The following CACNG6 variants were observed in gnomAD, a reference collection of about 807,000 sequenced individuals.
The protein encoded by CACNG6 is calcium voltage-gated channel auxiliary subunit gamma 6.
CACNG6 carries 21 observed loss-of-function variants against 23.9 expected under a neutral mutation model. The observed-to-expected ratio is 0.88, with a 90% confidence interval of 0.62 to 1.26. The LOEUF (loss-of-function observed/expected upper bound fraction) is 1.26, where lower values mean the gene tolerates loss of function less well. CACNG6 is among the 50% of genes most tolerant of loss of function. CACNG6 has a pLI of 0.00. For synonymous variants in CACNG6, 182 were observed against 168.9 expected, an observed-to-expected ratio of 1.08 and a Z score of -0.60; for missense variants, 340 against 352.9, an observed-to-expected ratio of 0.96 and a Z score of 0.29.
At chr19:54,005,219 A>G (rs1207290025) in intron 3 of CACNG6, among the ~76,000 whole-genome samples, 1 of 90,418 alleles carries the variant, frequency 1.1e-5, no homozygotes, top group Admixed American at 1.1e-4. Flanking sequence ...AAAAATAAAT[A>G]AATAAATAAA....
chr19:54,007,463 A>G (rs192808), intron 3 of CACNG6, among the ~76,000 whole-genome samples: 113,699 of 152,204 alleles, frequency 0.75, 43,098 homozygotes, highest in East Asian at 0.95. Flanking sequence ...TCAACAGTGC[A>G]TTTAACTGAT....
chr19:54,004,900 A>AAAAC (rs139065684), intron 3 of CACNG6, among the ~76,000 whole-genome samples: 1 of 151,480 alleles, frequency 6.6e-6, no homozygotes, highest in Non-Finnish European at 1.5e-5. Context: ...GAAAATGTTA[A>AAAAC]AAATAAATAA....
At position 53,998,238 on chromosome 19, in the gene CACNG6, G is replaced by A; in HGVS notation, c.332-1G>A. Reference sequence around the variant, plus strand: ...CTGTTTTCTCTCTCCTGCTCCCACAGAAGCAAACTGCACCTATTTTAAATT... The same window carrying A: ...CTGTTTTCTCTCTCCTGCTCCCACAAAAGCAAACTGCACCTATTTTAAATT... On this transcript the variant is annotated splice_acceptor_variant, in intron 1 of 3. Coordinates refer to ENST00000252729, the MANE Select transcript of CACNG6 (RefSeq NM_145814.2). LOFTEE classifies it high-confidence loss of function. The A allele has an allele frequency of 6.2e-7, 1 of 1,613,782 alleles. No individual in the cohort carries two copies. Among genetic ancestry groups the A allele is most frequent in the Non-Finnish European group, 8.5e-7 (1 of 1,179,724 alleles).
chr19:53,994,263 G>A (rs865810212), intron 1 of CACNG6, among the ~76,000 whole-genome samples: 1 of 152,092 alleles, frequency 6.6e-6, no homozygotes, highest in Non-Finnish European at 1.5e-5. Context: ...CCCAACACCC[G>A]AGGGCAGACC....
intron 3 of CACNG6, among the ~76,000 whole-genome samples, chr19:54,002,572 G>C (rs1289681640): frequency 6.6e-6 from 1 of 151,508 alleles, no homozygotes; most frequent in African/African-American, 2.4e-5. Context: ...AGCCGCTGAG[G>C]ACGCAACGAT....
intron 3 of CACNG6, among the ~76,000 whole-genome samples, chr19:54,005,983 G>A (rs868220212): frequency 5.3e-5 from 8 of 150,170 alleles, no homozygotes; most frequent in African/African-American, 1.2e-4. Flanking sequence ...CCAGCAACTC[G>A]GGAGGCTGAG....
At position 54,012,025 on chromosome 19, in the gene CACNG6, C is replaced by A. The variant is rs761605328; in HGVS notation, c.619C>A (p.Pro207Thr). 3.7e-6 allele frequency: 6 copies of A among 1,605,736 alleles called. No homozygotes were observed. In the East Asian group the frequency reaches 1.4e-4, roughly 37 times the overall value. Reference protein sequence around the residue: ...RALLQRVSPEPPPAPRLTYEY... With the variant: ...RALLQRVSPETPPAPRLTYEY... ...CCTGCTGCAGAGAGTCAGCCCGGAG[C>A]CTCCCCCGGCCCCACGCCTCACCTA... The change falls in exon 4 of 4, where the codon CCT becomes ACT. Residue 207 changes from proline to threonine, a missense_variant. Coordinates refer to ENST00000252729, the MANE Select transcript of CACNG6 (RefSeq NM_145814.2).
chr19:54,011,190 T>TAAAAAAAAAAAAAAAA (rs142489178), intron 3 of CACNG6, among the ~76,000 whole-genome samples: 3 of 59,212 alleles, frequency 5.1e-5, no homozygotes, highest in African/African-American at 9.6e-5. Flanking sequence ...CCGTCTCTAC[T>TAAAAAAAAAAAAAAAA]AAAAAAAAAA....
At chr19:53,991,336 C>G (rs1035252740), upstream of CACNG6, among the ~76,000 whole-genome samples, 8 of 152,040 alleles carry the variant, frequency 5.3e-5, no homozygotes, top group African/African-American at 1.9e-4. Context: ...CCTGGTAACC[C>G]CAGTCAGACT....
chr19:53,995,216 G>A (rs2069508664), intron 1 of CACNG6, among the ~76,000 whole-genome samples: 2 of 151,972 alleles, frequency 1.3e-5, no homozygotes, highest in Admixed American at 6.6e-5. Flanking sequence ...ATGGAGGGGT[G>A]GCCCATCCCA....
intron 3 of CACNG6, among the ~76,000 whole-genome samples, chr19:54,005,235 AAATAAATAAATAAAT>A (rs1480565739): frequency 2.5e-5 from 3 of 120,832 alleles, no homozygotes; most frequent in Admixed American, 1.7e-4. Context: ...ATAAATAAAT[AAATAAATAAATAAAT>A]AATAATAAAA....
At chr19:53,998,158 TG>T in intron 1 of CACNG6, 80 bp from the exon 2 acceptor site, 1 of 1,225,668 alleles carries the variant, frequency 8.2e-7, no homozygotes, top group Non-Finnish European at 1.2e-6. Flanking sequence ...TAGGCTCCCG[TG>T]GGCTGTTAAC....
chr19:54,002,275 G>GTTTTTTTTTTTTTTTTTTTTTTTTTTTTT (rs1174799698), intron 3 of CACNG6, among the ~76,000 whole-genome samples: 2 of 116,430 alleles, frequency 1.7e-5, no homozygotes, highest in African/African-American at 4.6e-5. Context: ...CGGTTTTTTT[G>GTTTTTTTTTTTTTTTTTTTTTTTTTTTTT]TTTTTTTTGT....
chr19:53,992,814 C>A lies in CACNG6; in HGVS notation c.-64C>A. On this transcript the variant is annotated 5_prime_UTR_variant, in exon 1 of 4. Coordinates refer to ENST00000252729, the MANE Select transcript of CACNG6 (RefSeq NM_145814.2). This position sits in a 1 kb window ranked among gnomAD's most constrained non-coding sequence, Gnocchi z 4.1. ...TCAAGACCCCAGGCCGCTCCTCGCT[C>A]CCGCCCCTCGAGGCCCTTCGCCGGC... The A allele has an allele frequency of 8.3e-7, 1 of 1,201,582 alleles. No individual in the cohort carries two copies. Among genetic ancestry groups the A allele is most frequent in the South Asian group, 2.6e-5 (1 of 38,062 alleles). The allele number at this position is 1,201,582 out of a possible 1,614,324, so 74.4% of individuals were successfully genotyped here.
intron 3 of CACNG6, among the ~76,000 whole-genome samples, chr19:54,011,503 G>A (rs1236464388): frequency 6.6e-6 from 1 of 150,546 alleles, no homozygotes; most frequent in African/African-American, 2.4e-5. Context: ...ACCCTACAGT[G>A]CTGCGAACAC....
intron 3 of CACNG6, among the ~76,000 whole-genome samples, chr19:54,009,633 G>A (rs2069682835): frequency 1.3e-5 from 2 of 151,938 alleles, no homozygotes; most frequent in East Asian, 1.9e-4. Flanking sequence ...CGCCCTGTGT[G>A]TTTACACTTT....
chr19:54,006,841 TTTTTA>T (rs60993008), intron 3 of CACNG6, among the ~76,000 whole-genome samples: 108,398 of 150,396 alleles, frequency 0.72, 39,408 homozygotes, highest in East Asian at 0.9. Context: ...GGCCTTCTTT[TTTTTA>T]TTTTGTTATT....
At chr19:53,996,227 A>ATGT in intron 1 of CACNG6, among the ~76,000 whole-genome samples, 1 of 152,154 alleles carries the variant, frequency 6.6e-6, no homozygotes, top group East Asian at 1.9e-4. Flanking sequence ...TCTGTGCCTC[A>ATGT]GTTTCCCCAT....
intron 3 of CACNG6, among the ~76,000 whole-genome samples, chr19:54,009,975 T>C (rs1421481291): frequency 6.6e-6 from 1 of 151,778 alleles, no homozygotes; most frequent in African/African-American, 2.4e-5. Context: ...TTTATCTTTA[T>C]TTTGTGACCC....
Sources: allele counts gnomAD v4.1 joint callset (sites outside exome capture counted in the v4.1 genomes callset), GRCh38; gene constraint gnomAD v4.1.1; non-coding constraint Gnocchi (gnomAD v3.1); transcripts MANE v1.5; gene names NCBI Gene and HGNC (gene_info 2026-07-23, HGNC 2026-07-21).